Variants in ZNF548 observed in about 807,000 individuals in gnomAD.
The protein encoded by ZNF548 is zinc finger protein 548.
ZNF548 carries 10 observed loss-of-function variants against 10.2 expected under a neutral mutation model. The observed-to-expected ratio is 0.98, with a 90% CI of 0.60 to 1.66. The LOEUF (loss-of-function observed/expected upper bound fraction) is 1.66. Among genes scored for constraint, ZNF548 ranks in the 40% most tolerant of loss-of-function variants. The pLI, the probability that ZNF548 is intolerant of heterozygous loss-of-function variation, is 0.00. For synonymous variants in ZNF548, 217 were observed against 223.5 expected (o/e 0.97, Z 0.26); for missense variants, 599 against 657.0 (o/e 0.91, Z 0.97).
intron 3 of ZNF548, among the ~76,000 whole-genome samples, chr19:57,397,663 G>A (rs1024137901): frequency 1.3e-5 from 2 of 152,112 alleles, no homozygotes; most frequent in Admixed American, 6.5e-5. Flanking sequence ...GATCTCTCTG[G>A]GCATGTGCTC....
At chr19:57,396,808 C>T (rs2088668951) in intron 2 of ZNF548, 2 of 454,588 alleles carry the variant, frequency 4.4e-6, no homozygotes, top group African/African-American at 4.0e-5. Context: ...TCCAGGACAC[C>T]TGGGCTATTG....
At chr19:57,397,929 C>T (rs55789053) in intron 3 of ZNF548, among the ~76,000 whole-genome samples, 39,147 of 152,120 alleles carry the variant, frequency 0.26, 5,319 homozygotes, top group African/African-American at 0.31. Context: ...ACTCCTGGCC[C>T]CTGCACCTCC....
At chr19:57,394,304 G>T in intron 2 of ZNF548, 81 bp downstream of exon 2, 1 of 1,424,918 alleles carries the variant, frequency 7.0e-7, no homozygotes, top group Non-Finnish European at 9.6e-7. Context: ...CTCTTTTCCT[G>T]TCTTTCTCTT....
intron 1 of ZNF548, 135 bp from the exon 2 acceptor site, chr19:57,394,053 C>G: frequency 1.1e-6 from 1 of 919,790 alleles, no homozygotes; most frequent in Non-Finnish European, 1.7e-6. Context: ...AGCTGCAGCA[C>G]TGAGGCCTGA....
Position 57,399,253 on chromosome 19 carries a change from C to G in ZNF548, c.1002C>G (p.Ser334=). 1.2e-6 allele frequency: 2 copies of G among 1,613,980 alleles called. No homozygotes were observed. Among genetic ancestry groups the G allele is most frequent in the Non-Finnish European group, 1.7e-6 (2 of 1,179,950 alleles). Residue 334 remains serine, a synonymous_variant, in exon 4 of 4, where the codon TCC becomes TCG. Coordinates refer to ENST00000336128, the MANE Select transcript of ZNF548 (RefSeq NM_001172773.2). This position sits in a 1 kb window ranked among gnomAD's most constrained non-coding sequence, Gnocchi z 4.0. ...RECGKFFMDS[S]TLIKHQRVHT... ...GTGGGAAATTCTTTATGGACAGCTCCACACTCATTAAACATCAGAGAGTTC... is the reference window on the plus strand; with the variant it reads ...GTGGGAAATTCTTTATGGACAGCTCGACACTCATTAAACATCAGAGAGTTC...
chr19:57,400,061 T>C lies in ZNF548; in HGVS notation c.*172T>C. On this transcript the variant is annotated 3_prime_UTR_variant, in exon 4 of 4. Transcript: ENST00000336128. Reference sequence around the variant, plus strand: ...ACTATATTTCTATACTCTATGGTACTTATATGAGGTACCAATAGATATCTA... The same window carrying C: ...ACTATATTTCTATACTCTATGGTACCTATATGAGGTACCAATAGATATCTA... The C allele has an allele frequency of 1.7e-6, 1 of 574,616 alleles. No homozygotes were observed. Among genetic ancestry groups the C allele is most frequent in the Admixed American group, 3.1e-5 (1 of 31,888 alleles). The allele number at this position is 574,616 out of a possible 1,614,324, so 35.6% of individuals were successfully genotyped here.
At chr19:57,391,435 TG>T (rs1224182410) in intron 1 of ZNF548, among the ~76,000 whole-genome samples, 6 of 152,162 alleles carry the variant, frequency 3.9e-5, no homozygotes, top group Non-Finnish European at 7.3e-5. Flanking sequence ...TAAAAATACA[TG>T]TTTTTTTTAA....
chr19:57,398,263 G>C (rs2088681346), intron 3 of ZNF548, 167 bp from the exon 4 acceptor site: 1 of 1,378,228 alleles, frequency 7.3e-7, no homozygotes. Flanking sequence ...ATGGGGCCTT[G>C]CCAGGCCCAG....
chr19:57,392,642 A>G (rs969862515), intron 1 of ZNF548: 10 of 318,810 alleles, frequency 3.1e-5, no homozygotes, highest in African/African-American at 6.7e-5. Context: ...CCATTGATCT[A>G]TGTGTCTATT....
At position 57,399,034 on chromosome 19, in the gene ZNF548, T is replaced by G; in HGVS notation, c.783T>G (p.Ser261Arg). 1.2e-6 allele frequency: 2 copies of G among 1,614,168 alleles called. No individual in the cohort carries two copies. Among genetic ancestry groups the G allele is most frequent in the South Asian group, 2.2e-5 (2 of 91,078 alleles). The change falls in exon 4 of 4, where the codon AGT (serine) becomes AGG (arginine). Residue 261 changes from serine to arginine, a missense_variant. Transcript: ENST00000336128. This position sits in a 1 kb window ranked among gnomAD's most constrained non-coding sequence, Gnocchi z 4.0. ...TGAAACATCAGACAGTTCACACTAG[T>G]GAAAGGACTTATGAGTGCAGAGAAT... ...NFMKHQTVHT[S>R]ERTYECRECG...
chr19:57,393,426 C>T (rs950511383), intron 1 of ZNF548, among the ~76,000 whole-genome samples: 11 of 151,042 alleles, frequency 7.3e-5, no homozygotes, highest in African/African-American at 2.7e-4. Context: ...TTTGGGAGGC[C>T]GAGGTGGGTG....
chr19:57,397,271 G>A (rs1314359723), intron 3 of ZNF548, 97 bp downstream of exon 3: 2 of 1,424,112 alleles, frequency 1.4e-6, no homozygotes, highest in South Asian at 1.8e-5. Context: ...GACCGTGGGT[G>A]CTGCTTCTTT....
chr19:57,391,857 G>A (rs1028246709), intron 1 of ZNF548, among the ~76,000 whole-genome samples: 3 of 138,472 alleles, frequency 2.2e-5, no homozygotes, highest in African/African-American at 8.0e-5. Context: ...GCAGTGGCGC[G>A]ATCTCGGCTC....
rs2088658294 is a variant in ZNF548, at chr19:57,395,474, C to T, written c.51+1251C>T. Among the ~76,000 whole-genome samples the T allele has an allele frequency of 6.6e-6, 1 of 152,018 alleles. No homozygotes were observed. Among genetic ancestry groups the T allele is most frequent in the Non-Finnish European group, 1.5e-5 (1 of 68,024 alleles). On this transcript the variant is annotated intron_variant, in intron 2 of 3. Transcript: ENST00000336128. The surrounding 1 kb of genome is among the most constrained non-coding windows in gnomAD (Gnocchi z 4.8). Reference sequence around the variant, plus strand: ...CCAACTCACAGTTCTTCAGGCTTAACAGGAAGCATAACTGGGAGGCCTCAG... The same window carrying T: ...CCAACTCACAGTTCTTCAGGCTTAATAGGAAGCATAACTGGGAGGCCTCAG...
chr19:57,398,028 G>T (rs938761882), intron 3 of ZNF548, among the ~76,000 whole-genome samples: 1 of 152,200 alleles, frequency 6.6e-6, no homozygotes, highest in Non-Finnish European at 1.5e-5. Context: ...CACGTGGCCT[G>T]TATTTAACAT....
At chr19:57,392,191 T>G (rs117864032) in intron 1 of ZNF548, among the ~76,000 whole-genome samples, 3,868 of 152,308 alleles carry the variant, frequency 0.025, 93 homozygotes, top group Non-Finnish European at 0.041. Flanking sequence ...TGGATATTAG[T>G]ACCCTGTCAG....
rs548775191 is a variant in ZNF548 at position 57,402,414 on chromosome 19, C to T, written c.*2525C>T. ...CATGGAAAACGTAGCTAATGCAATC[C>T]GCTTGCCTTACCTAAGTTGTCCCCT... On this transcript the variant is annotated 3_prime_UTR_variant, in exon 4 of 4. Transcript: ENST00000336128. The T allele has an allele frequency of 7.2e-5, 11 of 152,250 alleles. No individual in the cohort carries two copies. The highest frequency in any genetic ancestry group is 1.7e-4 in the African/African-American group (7 of 41,542). The allele number at this position is 152,250 out of a possible 1,614,324, so 9.4% of individuals were successfully genotyped here.
In ZNF548 at chr19:57,399,437, T is replaced by C. The variant is rs2088695948; in HGVS notation, c.1186T>C (p.Trp396Arg). The C allele has an allele frequency of 6.2e-7, 1 of 1,612,596 alleles. No individual in the cohort carries two copies. Among genetic ancestry groups the C allele is most frequent in the South Asian group, 1.1e-5 (1 of 91,000 alleles). The change falls in exon 4 of 4, where the codon TGG becomes CGG. Residue 396 changes from tryptophan (W) to arginine (R), a missense_variant. Trp to Arg is a moderately radical substitution (Grantham distance 101, BLOSUM62 -3). Transcript: ENST00000336128. The surrounding 1 kb of genome is among the most constrained non-coding windows in gnomAD (Gnocchi z 4.0). ...FRYNSSLVKH[W>R]RNHTGERPYK... ...GTACAACTCCAGCCTTGTTAAACAT[T>C]GGAGAAATCACACTGGAGAAAGGCC...
At chr19:57,397,639 G>A (rs775274585) in intron 3 of ZNF548, among the ~76,000 whole-genome samples, 19 of 152,174 alleles carry the variant, frequency 1.2e-4, no homozygotes, top group Non-Finnish European at 2.1e-4. Flanking sequence ...TAGAATGTGG[G>A]ATGCCATGGG....
Sources: allele counts gnomAD v4.1 joint callset (sites outside exome capture counted in the v4.1 genomes callset), GRCh38; gene constraint gnomAD v4.1.1; non-coding constraint Gnocchi (gnomAD v3.1); transcripts MANE v1.5; gene names NCBI Gene and HGNC (gene_info 2026-07-23, HGNC 2026-07-21).